MCOLN2: variants seen among roughly 807,000 people sequenced by gnomAD.
The protein encoded by MCOLN2 is mucolipin-2.
In MCOLN2, 57 loss-of-function variants were observed where a neutral mutation model predicts 67.5. That is an observed-to-expected ratio of 0.84 (90% CI 0.68 to 1.05). The LOEUF (loss-of-function observed/expected upper bound fraction) is 1.05. Among genes scored for constraint, MCOLN2 ranks in the 50% least tolerant of loss-of-function variants. MCOLN2 has a pLI of 0.00. For synonymous variants in MCOLN2, 246 were observed against 233.3 expected (o/e 1.05, Z -0.50); for missense variants, 620 against 678.8 (o/e 0.91, Z 0.96).
chr1:84,992,397 GA>G (rs1650935332), intron 1 of MCOLN2, among the ~76,000 whole-genome samples: 1 of 152,066 alleles, frequency 6.6e-6, no homozygotes, highest in Non-Finnish European at 1.5e-5. Flanking sequence ...CTCATACCAG[GA>G]AAAAAGGGGC....
In MCOLN2 at chr1:84,965,620, A is replaced by AT; in HGVS notation, c.165dup (p.Tyr56IlefsTer32). 6.2e-7 allele frequency: 1 copy of AT among 1,614,050 alleles called. No homozygotes were observed. Among genetic ancestry groups the AT allele is most frequent in the Non-Finnish European group, 8.5e-7 (1 of 1,179,974 alleles). ...CACGGAATCTGGCGTCTGGCTCGGT[A>AT]TTTTTCACAAGGGCTCATGAAGTAA... On this transcript the variant is annotated frameshift_variant, in exon 2 of 14. Transcript: ENST00000370608. LOFTEE classifies it high-confidence loss of function.
intron 6 of MCOLN2, among the ~76,000 whole-genome samples, chr1:84,949,284 G>C (rs1023711558): frequency 2.0e-5 from 3 of 152,096 alleles, no homozygotes; most frequent in Non-Finnish European, 2.9e-5. Context: ...ACCCCAAAAA[G>C]ATTCTCTCCA....
chr1:84,973,064 G>A (rs1327374026), intron 1 of MCOLN2, among the ~76,000 whole-genome samples: 1 of 152,192 alleles, frequency 6.6e-6, no homozygotes, highest in East Asian at 1.9e-4. Flanking sequence ...ACTGGTATGT[G>A]AGAAGAAACT....
At chr1:84,974,541 G>A (rs534612606) in intron 1 of MCOLN2, among the ~76,000 whole-genome samples, 12 of 152,126 alleles carry the variant, frequency 7.9e-5, no homozygotes, top group African/African-American at 2.4e-4. Flanking sequence ...TGGGCCAGAA[G>A]GGAACCTACT....
At chr1:84,962,941 T>C (rs189680112) in intron 2 of MCOLN2, among the ~76,000 whole-genome samples, 1 of 152,308 alleles carries the variant, frequency 6.6e-6, no homozygotes, top group Admixed American at 6.5e-5. Flanking sequence ...ATCGAATGTA[T>C]ATGGATAAGA....
At chr1:84,986,257 T>C (rs1650500213) in intron 1 of MCOLN2, among the ~76,000 whole-genome samples, 1 of 152,144 alleles carries the variant, frequency 6.6e-6, no homozygotes, top group Non-Finnish European at 1.5e-5. Flanking sequence ...AGAATAAAAC[T>C]GGGCCGGGCG....
chr1:84,970,735 A>T (rs746699867), intron 1 of MCOLN2, among the ~76,000 whole-genome samples: 1 of 152,154 alleles, frequency 6.6e-6, no homozygotes, highest in Non-Finnish European at 1.5e-5. Flanking sequence ...GCTCTGCTGG[A>T]GACATTTTCC....
At chr1:84,996,542 C>A (rs1354389051) in intron 1 of MCOLN2, among the ~76,000 whole-genome samples, 1 of 151,638 alleles carries the variant, frequency 6.6e-6, no homozygotes, top group African/African-American at 2.4e-5. Flanking sequence ...CCGCTGGCAG[C>A]GCCAACCGGC....
At chr1:84,954,937 G>A (rs1021851780) in intron 4 of MCOLN2, among the ~76,000 whole-genome samples, 1 of 152,202 alleles carries the variant, frequency 6.6e-6, no homozygotes, top group African/African-American at 2.4e-5. Flanking sequence ...GAATAACTAA[G>A]AGGGTGATAT....
At position 84,931,412 on chromosome 1, in the gene MCOLN2, T is replaced by A; in HGVS notation, c.1492A>T (p.Ile498Phe). 6.3e-7 allele frequency: 1 copy of A among 1,597,390 alleles called. No homozygotes were observed. The highest frequency in any genetic ancestry group is 8.6e-7 in the Non-Finnish European group (1 of 1,164,954). Residue 498 changes from isoleucine to phenylalanine, a missense_variant, in exon 12 of 14, where the codon ATT becomes TTT. By Grantham distance (21) the Ile-to-Phe change is conservative. Coordinates refer to ENST00000370608, the MANE Select transcript of MCOLN2 (RefSeq NM_153259.4). ...ATAAGTGCAATAAAAAGACTGAGAA[T>A]CATATATATAAAAAGGCTGATGAAG... ...YSFISLFIYM[I>F]LSLFIALITD... is the part of the protein sequence containing the mutation.
At chr1:84,960,467 C>T (rs991232654) in intron 2 of MCOLN2, among the ~76,000 whole-genome samples, 6 of 152,184 alleles carry the variant, frequency 3.9e-5, no homozygotes, top group Non-Finnish European at 5.9e-5. Flanking sequence ...AGGCAACTAT[C>T]GCTTGAGAAG....
chr1:84,943,890 C>G (rs2102821139), intron 7 of MCOLN2, among the ~76,000 whole-genome samples: 1 of 152,282 alleles, frequency 6.6e-6, no homozygotes, highest in South Asian at 2.1e-4. Context: ...AGAAAGTTAT[C>G]TTGAGGTATC....
chr1:84,982,923 G>A (rs550881586), intron 1 of MCOLN2, among the ~76,000 whole-genome samples: 43 of 152,000 alleles, frequency 2.8e-4, no homozygotes, highest in Non-Finnish European at 4.4e-4. Context: ...TCACTGCGTT[G>A]GCCAGGCTGG....
At chr1:84,968,150 G>C (rs900303767) in intron 1 of MCOLN2, among the ~76,000 whole-genome samples, 2 of 152,102 alleles carry the variant, frequency 1.3e-5, no homozygotes, top group Non-Finnish European at 2.9e-5. Context: ...CAAATTTATA[G>C]GACTACAGAG....
At chr1:84,969,087 C>T (rs1332297033) in intron 1 of MCOLN2, among the ~76,000 whole-genome samples, 6 of 151,132 alleles carry the variant, frequency 4.0e-5, no homozygotes, top group Non-Finnish European at 7.4e-5. Context: ...GTGTTGTACC[C>T]GGGGAGGGCA....
intron 6 of MCOLN2, among the ~76,000 whole-genome samples, chr1:84,948,358 A>G (rs1648227659): frequency 6.6e-6 from 1 of 152,244 alleles, no homozygotes; most frequent in South Asian, 2.1e-4. Context: ...AACAAACTGC[A>G]TGGACACCAT....
chr1:84,933,212 G>C (rs1038728061), intron 11 of MCOLN2, among the ~76,000 whole-genome samples: 1 of 152,102 alleles, frequency 6.6e-6, no homozygotes, highest in Non-Finnish European at 1.5e-5. Context: ...TCTGCACTCC[G>C]TATCGGTAAG....
At chr1:84,980,587 C>T (rs917080058) in intron 1 of MCOLN2, among the ~76,000 whole-genome samples, 2 of 152,078 alleles carry the variant, frequency 1.3e-5, no homozygotes, top group Non-Finnish European at 2.9e-5. Context: ...AAGGCAGTCT[C>T]TTAAATAAAT....
chr1:84,951,621 T>C (rs895635073), intron 6 of MCOLN2, among the ~76,000 whole-genome samples: 1 of 152,204 alleles, frequency 6.6e-6, no homozygotes, highest in Admixed American at 6.5e-5. Context: ...ACTATAGACA[T>C]GTAAAACACC....
Sources: allele counts gnomAD v4.1 joint callset (sites outside exome capture counted in the v4.1 genomes callset), GRCh38; gene constraint gnomAD v4.1.1; transcripts MANE v1.5; gene names NCBI Gene and HGNC (gene_info 2026-07-23, HGNC 2026-07-21).